FCHSD2: variants seen among roughly 807,000 people sequenced by gnomAD.
FCHSD2 encodes the protein FCH and double SH3 domains 2, also known as F-BAR and double SH3 domains protein 2.
FCHSD2 carries 38 observed loss-of-function variants against 108.1 expected under a neutral mutation model. That is an observed-to-expected ratio of 0.35 (90% CI 0.27 to 0.46). The LOEUF (loss-of-function observed/expected upper bound fraction) is 0.46, where lower values mean the gene tolerates loss of function less well. Among genes scored for constraint, FCHSD2 ranks in the 20% least tolerant of loss-of-function variants. The pLI is 1.00. For missense variants in FCHSD2, 751 were observed against 897.8 expected (o/e 0.84, Z 2.09); for synonymous variants, 279 against 314.7 (o/e 0.89, Z 1.20).
intron 8 of FCHSD2, among the ~76,000 whole-genome samples, chr11:72,966,927 G>A (rs996135132): frequency 1.3e-5 from 2 of 152,108 alleles, no homozygotes; most frequent in Admixed American, 6.5e-5. Flanking sequence ...GGCCGGGCGC[G>A]GTGGCTCACG....
intron 8 of FCHSD2, among the ~76,000 whole-genome samples, chr11:72,981,964 A>G (rs1857223343): frequency 6.6e-6 from 1 of 152,246 alleles, no homozygotes; most frequent in African/African-American, 2.4e-5. Context: ...CTGTTATGAC[A>G]GAGCGAGACC....
intron 3 of FCHSD2, among the ~76,000 whole-genome samples, chr11:73,074,141 C>T (rs560907900): frequency 6.6e-6 from 1 of 152,200 alleles, no homozygotes; most frequent in Admixed American, 6.5e-5. Flanking sequence ...AGTCCAGAAA[C>T]AGACTTACAT....
intron 8 of FCHSD2, among the ~76,000 whole-genome samples, chr11:72,930,412 A>G (rs1405514616): frequency 6.6e-6 from 1 of 152,170 alleles, no homozygotes; most frequent in Non-Finnish European, 1.5e-5. Context: ...TTTCCAAATA[A>G]AACATTTTTA....
chr11:73,135,104 T>C (rs1565107411), intron 2 of FCHSD2, among the ~76,000 whole-genome samples: 3 of 152,246 alleles, frequency 2.0e-5, no homozygotes, highest in Admixed American at 1.3e-4. Flanking sequence ...TCCACCCGCC[T>C]TGGCCTCCCA....
intron 2 of FCHSD2, among the ~76,000 whole-genome samples, chr11:73,120,290 C>T (rs1860700581): frequency 6.6e-6 from 1 of 152,298 alleles, no homozygotes; most frequent in Non-Finnish European, 1.5e-5. Context: ...TATAATGTAG[C>T]ATATGGTCTT....
chr11:73,054,554 C>T (rs1858977911), intron 3 of FCHSD2, among the ~76,000 whole-genome samples: 1 of 150,862 alleles, frequency 6.6e-6, no homozygotes. Flanking sequence ...AGCACTAAAT[C>T]TGGAAGACCC....
intron 8 of FCHSD2, among the ~76,000 whole-genome samples, chr11:72,983,488 A>C (rs1394970755): frequency 6.6e-6 from 1 of 152,106 alleles, no homozygotes; most frequent in Non-Finnish European, 1.5e-5. Flanking sequence ...AAATTAAAAA[A>C]AGCTTCATAA....
chr11:73,037,194 A>T (rs550352044), intron 3 of FCHSD2, among the ~76,000 whole-genome samples: 55 of 152,290 alleles, frequency 3.6e-4, no homozygotes, highest in African/African-American at 1.3e-3. Context: ...CCCATGTATC[A>T]CTTGCCCCCA....
chr11:73,142,093 A>C lies in FCHSD2; in HGVS notation c.-216T>G. 1 of 439,596 alleles carries C rather than the reference A, an allele frequency of 2.3e-6. No homozygotes were observed. Among genetic ancestry groups the C allele is most frequent in the Non-Finnish European group, 4.0e-6 (1 of 247,594 alleles). 27.2% of individuals were successfully genotyped at this position (439,596 alleles called of 1,614,324 possible). A position where few individuals can be genotyped will look rare whatever the true frequency, so the allele number is the denominator to read the frequency against. ...AGGAGACGAGGGAGGAGCACCGGGA[A>C]GGCTTGGGGCCCGGGCGGCCCGGGC... is the stretch of plus-strand genomic sequence containing the variant. On this transcript the variant is annotated 5_prime_UTR_variant, in exon 1 of 20. Transcript: ENST00000409418.
Position 73,134,775 on chromosome 11 carries a change from A to G in FCHSD2, c.119+5256T>C, listed in dbSNP as rs80262507. ...TGATTTGGAGCTGATCGACAGCTCA[A>G]TGTATCAAAAAATAAGAAAACAAAT... On this transcript the variant is annotated intron_variant, in intron 2 of 19. Transcript: ENST00000409418. Among the ~76,000 whole-genome samples the G allele has an allele frequency of 6.9e-3, 1,052 of 152,336 alleles. 5 individuals carry two copies. The highest frequency in any genetic ancestry group is 0.014 in the South Asian group (68 of 4,830).
At chr11:73,067,423 AC>A (rs1417492031) in intron 3 of FCHSD2, among the ~76,000 whole-genome samples, 1 of 152,018 alleles carries the variant, frequency 6.6e-6, no homozygotes, top group Non-Finnish European at 1.5e-5. Flanking sequence ...GGCACATTAC[AC>A]CTATGTAACA....
chr11:73,024,388 T>C (rs989309964), intron 3 of FCHSD2, among the ~76,000 whole-genome samples: 4 of 152,144 alleles, frequency 2.6e-5, no homozygotes, highest in Non-Finnish European at 4.4e-5. Context: ...AAACTGTATA[T>C]AAACATTGTA....
At chr11:73,001,186 G>A in intron 4 of FCHSD2, 52 bp from the exon 5 acceptor site, 1 of 1,570,318 alleles carries the variant, frequency 6.4e-7, no homozygotes, top group South Asian at 1.2e-5. Flanking sequence ...GGAAGAAAAA[G>A]TTGGCTAACC....
intron 2 of FCHSD2, among the ~76,000 whole-genome samples, chr11:73,129,394 C>A (rs1860939484): frequency 6.6e-6 from 1 of 152,196 alleles, no homozygotes; most frequent in Admixed American, 6.5e-5. Context: ...ATACTTACAG[C>A]CGCCCCCGCA....
chr11:73,088,639 TAC>T (rs1485789289), intron 2 of FCHSD2, among the ~76,000 whole-genome samples: 1 of 152,200 alleles, frequency 6.6e-6, no homozygotes, highest in African/African-American at 2.4e-5. Flanking sequence ...CATAAACATG[TAC>T]ACACACTTTT....
chr11:72,943,956 T>A (rs1427122190), intron 8 of FCHSD2, among the ~76,000 whole-genome samples: 1 of 152,194 alleles, frequency 6.6e-6, no homozygotes, highest in Non-Finnish European at 1.5e-5. Context: ...CAACTTTAAC[T>A]TCTATTGCAT....
At position 73,108,356 on chromosome 11, in the gene FCHSD2, A is replaced by C. The variant is rs146092192; in HGVS notation, c.120-24616T>G. Among the ~76,000 whole-genome samples the C allele has an allele frequency of 2.0e-5, 3 of 152,314 alleles. No homozygotes were observed. In the East Asian group the frequency reaches 5.8e-4, roughly 29 times the overall value. ...AACACTTTCTCCCATTCTGTGGGTTATCTCTTCACTTTGTTGATTGTTTCC... is the reference window on the plus strand; with the variant it reads ...AACACTTTCTCCCATTCTGTGGGTTCTCTCTTCACTTTGTTGATTGTTTCC... On this transcript the variant is annotated intron_variant, in intron 2 of 19. Transcript: ENST00000409418.
intron 10 of FCHSD2, among the ~76,000 whole-genome samples, chr11:72,892,307 G>A (rs897350288): frequency 1.1e-4 from 16 of 152,194 alleles, no homozygotes; most frequent in African/African-American, 3.6e-4. Context: ...CAATGATCAG[G>A]ACAGGTAACT....
chr11:73,036,274 G>A (rs1037652605), intron 3 of FCHSD2, among the ~76,000 whole-genome samples: 3 of 150,434 alleles, frequency 2.0e-5, no homozygotes, highest in Non-Finnish European at 4.4e-5. Flanking sequence ...TAATAATTTT[G>A]AAATGTGTGA....
Sources: allele counts gnomAD v4.1 joint callset (sites outside exome capture counted in the v4.1 genomes callset), GRCh38; gene constraint gnomAD v4.1.1; transcripts MANE v1.5; gene names NCBI Gene and HGNC (gene_info 2026-07-23, HGNC 2026-07-21).